MYLK: variants seen among roughly 807,000 people sequenced by gnomAD.
The protein encoded by MYLK is myosin light chain kinase.
A neutral mutation model predicts 203.4 loss-of-function variants in MYLK; 106 were observed. That is an observed-to-expected ratio of 0.52 (90% CI 0.45 to 0.61). The LOEUF (loss-of-function observed/expected upper bound fraction) is 0.61. Ranked by LOEUF, MYLK falls within the 20% of genes least tolerant of loss-of-function variation. MYLK has a pLI of 0.00. For synonymous variants in MYLK, 867 were observed against 959.5 expected (o/e 0.90, Z 1.78); for missense variants, 2,072 against 2,442.3 (o/e 0.85, Z 3.20).
intron 5 of MYLK, among the ~76,000 whole-genome samples, chr3:123,749,831 A>T (rs555911007): frequency 2.0e-5 from 3 of 152,332 alleles, no homozygotes; most frequent in African/African-American, 7.2e-5. Flanking sequence ...ATCCAAGACC[A>T]TTTGACTTTC....
chr3:123,836,794 C>T (rs1302885289), intron 2 of MYLK, among the ~76,000 whole-genome samples: 1 of 152,146 alleles, frequency 6.6e-6, no homozygotes, highest in Non-Finnish European at 1.5e-5. Flanking sequence ...GGTCAGGCGT[C>T]CAAGGACACA....
rs145904192 is a variant in MYLK, at chr3:123,665,861, C to T, written c.3831+358G>A. ...TCAGTGGGCTGGCACAGAATCACAGCAAGCTCATGGAGTCTAAGGGTCATC... is the reference window on the plus strand; with the variant it reads ...TCAGTGGGCTGGCACAGAATCACAGTAAGCTCATGGAGTCTAAGGGTCATC... On this transcript the variant is annotated intron_variant, in intron 22 of 33. Coordinates refer to ENST00000360304, the MANE Select transcript of MYLK (RefSeq NM_053025.4). Among the ~76,000 whole-genome samples the T allele has an allele frequency of 1.5e-4, 23 of 152,328 alleles. No homozygotes were observed. The East Asian group carries it at 4.4e-3, about 29-fold the overall frequency.
intron 1 of MYLK, among the ~76,000 whole-genome samples, chr3:123,877,501 G>A (rs988660411): frequency 3.9e-5 from 6 of 152,208 alleles, no homozygotes; most frequent in African/African-American, 1.4e-4. Flanking sequence ...TAATCAGCAG[G>A]CCCACAGGGG....
chr3:123,857,889 C>T (rs1350663640), intron 2 of MYLK, among the ~76,000 whole-genome samples: 1 of 152,180 alleles, frequency 6.6e-6, no homozygotes, highest in Non-Finnish European at 1.5e-5. Flanking sequence ...CAAATCCAGC[C>T]TAATAGCCTA....
At chr3:123,636,990 T>C (rs1308438618) in intron 29 of MYLK, among the ~76,000 whole-genome samples, 1 of 152,244 alleles carries the variant, frequency 6.6e-6, no homozygotes, top group Non-Finnish European at 1.5e-5. Context: ...CACTGGTTTC[T>C]AAACCTGGCT....
rs1411622091 is a variant in MYLK at position 123,611,855 on chromosome 3, A to C, written c.*2250T>G. On this transcript the variant is annotated 3_prime_UTR_variant, in exon 34 of 34. Coordinates refer to ENST00000360304, the MANE Select transcript of MYLK (RefSeq NM_053025.4). ...CCTAGATCCCTCACATGAGCAGTTC[A>C]CAATAGAGTTCGTTCCTGAGAGAAC... The C allele has an allele frequency of 6.6e-6, 1 of 152,622 alleles. No individual in the cohort carries two copies. The highest frequency in any genetic ancestry group is 1.5e-5 in the Non-Finnish European group (1 of 68,460). 9.5% of individuals were successfully genotyped at this position (152,622 alleles called of 1,614,324 possible). A position where few individuals can be genotyped will look rare whatever the true frequency, so the allele number is the denominator to read the frequency against.
At position 123,725,949 on chromosome 3, in the gene MYLK, A is replaced by G. The variant is rs1284646315; in HGVS notation, c.1646T>C (p.Leu549Pro). The G allele has an allele frequency of 6.2e-7, 1 of 1,613,844 alleles. No individual in the cohort carries two copies. The highest frequency in any genetic ancestry group is 1.7e-5 in the Admixed American group (1 of 60,010). ...CTGGGGCAGGGGGAACTCACCATTC[A>G]GCAGCCAAGTGATCCGGGGCACTGG... ...GTPVPRITWL[L>P]NGQPIQYARS... is the part of the protein sequence containing the mutation. The change falls in exon 12 of 34, where the codon CTG (leucine) becomes CCG (proline). Residue 549 changes from leucine (L) to proline (P), a missense_variant. Leu to Pro is a moderately conservative substitution (Grantham distance 98). Transcript: ENST00000360304.
chr3:123,640,254 C>T lies in MYLK; in HGVS notation c.4837+33G>A, dbSNP rs2108109335. The T allele has an allele frequency of 1.3e-6, 2 of 1,598,774 alleles. No individual in the cohort carries two copies. Among genetic ancestry groups the T allele is most frequent in the African/African-American group, 1.3e-5 (1 of 74,542 alleles). ...GAGGAAACGGCCAGTGCAATACACA[C>T]TGGTGTCCATGGGAGAGGCAGATGA... On this transcript the variant is annotated intron_variant, in intron 28 of 33. Transcript: ENST00000360304. This position sits in a 1 kb window ranked among gnomAD's most constrained non-coding sequence, Gnocchi z 4.3.
chr3:123,726,917 T>C (rs1214928720), intron 11 of MYLK, among the ~76,000 whole-genome samples: 1 of 152,182 alleles, frequency 6.6e-6, no homozygotes, highest in Non-Finnish European at 1.5e-5. Context: ...TTAGAAGATA[T>C]ATCACTGGTG....
chr3:123,838,253 T>C (rs1413760970), intron 2 of MYLK, among the ~76,000 whole-genome samples: 1 of 151,978 alleles, frequency 6.6e-6, no homozygotes, highest in Non-Finnish European at 1.5e-5. Context: ...AAAGGAAATC[T>C]TAAAGGTACT....
chr3:123,715,586 C>G (rs939661921), intron 13 of MYLK, among the ~76,000 whole-genome samples: 1 of 152,186 alleles, frequency 6.6e-6, no homozygotes, highest in Non-Finnish European at 1.5e-5. Context: ...AGTTTGCTAC[C>G]TCTTGCACTA....
chr3:123,855,736 G>C (rs564094403), intron 2 of MYLK, among the ~76,000 whole-genome samples: 1 of 152,132 alleles, frequency 6.6e-6, no homozygotes, highest in South Asian at 2.1e-4. Context: ...ATTCCTAACT[G>C]GTGCCCCAGA....
intron 13 of MYLK, among the ~76,000 whole-genome samples, chr3:123,719,282 G>A (rs541872572): frequency 1.1e-3 from 167 of 151,950 alleles, no homozygotes; most frequent in Non-Finnish European, 1.4e-3. Context: ...AGGGACACGC[G>A]TTGCTGCATG....
chr3:123,799,796 A>G (rs2065128518), intron 3 of MYLK: 1 of 152,346 alleles, frequency 6.6e-6, no homozygotes, highest in African/African-American at 2.4e-5. Context: ...ACCGGAGCAA[A>G]GCTGGGCAGG....
intron 2 of MYLK, among the ~76,000 whole-genome samples, chr3:123,857,313 C>T (rs1263133481): frequency 2.0e-5 from 3 of 151,994 alleles, no homozygotes; most frequent in East Asian, 1.9e-4. Flanking sequence ...ACCCAAAGGA[C>T]TATAAATCAT....
At chr3:123,796,968 C>G (rs1577004796) in intron 3 of MYLK, among the ~76,000 whole-genome samples, 1 of 152,112 alleles carries the variant, frequency 6.6e-6, no homozygotes. Flanking sequence ...TATAAGAACA[C>G]TATTTGCATT....
chr3:123,709,343 G>A (rs1021633726), intron 14 of MYLK: 59 of 265,180 alleles, frequency 2.2e-4, no homozygotes, highest in Admixed American at 9.5e-4. Flanking sequence ...GGGTTTCACC[G>A]TGTTAGCCAG....
chr3:123,659,258 T>C (rs1576459038), intron 23 of MYLK, among the ~76,000 whole-genome samples: 1 of 152,128 alleles, frequency 6.6e-6, no homozygotes, highest in East Asian at 1.9e-4. Flanking sequence ...TTGGCCACAG[T>C]TGGAGTTGTG....
Position 123,752,409 on chromosome 3 carries a change from C to T in MYLK, c.295G>A (p.Glu99Lys). The change falls in exon 5 of 34, where the codon GAG becomes AAG. Residue 99 changes from glutamate to lysine, a missense_variant. Glu to Lys is a moderately conservative substitution (Grantham distance 56, BLOSUM62 1). This residue lies in a region of MYLK where 683 missense variants were observed against 643.8 expected (regional missense o/e 1.06). Coordinates refer to ENST00000360304, the MANE Select transcript of MYLK (RefSeq NM_053025.4). ...TCACAGGTATACTTTCCCCTGTCCTCCTCATGGACAGCATGAATCACAAGG... is the reference window on the plus strand; with the variant it reads ...TCACAGGTATACTTTCCCCTGTCCTTCTCATGGACAGCATGAATCACAAGG... Reference protein sequence around the residue: ...FSLVIHAVHEEDRGKYTCEAT... With the variant: ...FSLVIHAVHEKDRGKYTCEAT... 3 of 1,614,206 alleles carry T rather than the reference C, an allele frequency of 1.9e-6. No homozygotes were observed. Among genetic ancestry groups the T allele is most frequent in the Non-Finnish European group, 2.5e-6 (3 of 1,180,030 alleles).
Sources: allele counts gnomAD v4.1 joint callset (sites outside exome capture counted in the v4.1 genomes callset), GRCh38; gene constraint gnomAD v4.1.1; regional missense constraint gnomAD v4.1.1; non-coding constraint Gnocchi (gnomAD v3.1); transcripts MANE v1.5; gene names NCBI Gene and HGNC (gene_info 2026-07-23, HGNC 2026-07-21).